The following KIF25 variants were observed in gnomAD, a reference collection of about 807,000 sequenced individuals.
The protein encoded by KIF25 is kinesin-like protein KIF25.
Under a neutral mutation model 32.9 loss-of-function variants are expected in KIF25, and 19 were observed. The observed-to-expected ratio is 0.58, with a 90% CI of 0.40 to 0.85. KIF25 has a LOEUF of 0.85. Ranked by LOEUF, KIF25 falls within the 40% of genes least tolerant of loss-of-function variation. The probability of loss-of-function intolerance (pLI) is 0.00; values close to 1 mark genes in which losing one functional copy is unlikely to be tolerated. For synonymous variants in KIF25, 225 were observed against 213.7 expected (o/e 1.05, Z -0.46); for missense variants, 485 against 507.0 (o/e 0.96, Z 0.42).
chr6:168,041,201 C>T (rs1399520379), intron 10 of KIF25, among the ~76,000 whole-genome samples: 1 of 152,238 alleles, frequency 6.6e-6, no homozygotes, highest in Non-Finnish European at 1.5e-5. Flanking sequence ...CATTCCCCAT[C>T]CTTCTTGCCA....
At chr6:168,008,054 C>CT (rs11411138) in intron 4 of KIF25, among the ~76,000 whole-genome samples, 48,676 of 152,006 alleles carry the variant, frequency 0.32, 7,912 homozygotes, top group Non-Finnish European at 0.36. Context: ...CTTTAGTTTA[C>CT]TTTATGGATT....
chr6:168,042,569 GGAGT>G lies in KIF25; in HGVS notation c.841_844del (p.Val281ProfsTer5). On this transcript the variant is annotated frameshift_variant, in exon 12 of 13. Transcript: ENST00000643607. LOFTEE classifies it high-confidence loss of function. ...GTGGCGGTCCTGTCCAGGTGTGTCT[GGAGT>G]GACCGGGTTGGCCCTGAGGGAGATG... 6.2e-7 allele frequency: 1 copy of G among 1,613,656 alleles called. No individual in the cohort carries two copies. Among genetic ancestry groups the G allele is most frequent in the Non-Finnish European group, 8.5e-7 (1 of 1,179,816 alleles).
chr6:168,032,318 A>G (rs1224701685), intron 7 of KIF25, among the ~76,000 whole-genome samples: 1 of 152,190 alleles, frequency 6.6e-6, no homozygotes, highest in Non-Finnish European at 1.5e-5. Flanking sequence ...GTTTCCTTTT[A>G]ATGTTCATTC....
chr6:168,025,481 G>A (rs183361815), intron 5 of KIF25, among the ~76,000 whole-genome samples: 4 of 152,046 alleles, frequency 2.6e-5, no homozygotes, highest in Non-Finnish European at 5.9e-5. Flanking sequence ...GTTTAAAATC[G>A]TGGCTTGCTG....
At chr6:168,031,502 G>A (rs1179309828) in intron 7 of KIF25, among the ~76,000 whole-genome samples, 2 of 152,184 alleles carry the variant, frequency 1.3e-5, no homozygotes, top group African/African-American at 2.4e-5. Context: ...TGTGCTGCGC[G>A]TCCCAAAGGC....
intron 10 of KIF25, among the ~76,000 whole-genome samples, chr6:168,041,513 G>A (rs894819588): frequency 6.6e-6 from 1 of 152,202 alleles, no homozygotes; most frequent in African/African-American, 2.4e-5. Flanking sequence ...GTGAATAAAT[G>A]TTATTTTGCT....
chr6:168,018,631 C>T (rs892585070), intron 5 of KIF25, among the ~76,000 whole-genome samples: 3 of 152,168 alleles, frequency 2.0e-5, no homozygotes, highest in Non-Finnish European at 4.4e-5. Context: ...ATGCCTTCCT[C>T]GGCACTGGGT....
intron 4 of KIF25, among the ~76,000 whole-genome samples, chr6:168,013,340 G>A (rs540261400): frequency 3.9e-5 from 6 of 152,068 alleles, no homozygotes; most frequent in East Asian, 3.9e-4. Context: ...GTGCAAGGCC[G>A]GAGTCACAGC....
At chr6:168,024,867 A>G (rs1798838631) in intron 5 of KIF25, among the ~76,000 whole-genome samples, 1 of 152,084 alleles carries the variant, frequency 6.6e-6, no homozygotes, top group African/African-American at 2.4e-5. Context: ...CCTGGTCAAC[A>G]TGGTGAAACC....
At chr6:168,002,243 CACCTG>C (rs1798517446) in intron 2 of KIF25, among the ~76,000 whole-genome samples, 1 of 109,412 alleles carries the variant, frequency 9.1e-6, no homozygotes, top group Non-Finnish European at 2.0e-5. Context: ...GTGAGAAAGA[CACCTG>C]AGGCATGGCC....
intron 10 of KIF25, 63 bp downstream of exon 10, chr6:168,040,279 A>T: frequency 6.6e-7 from 1 of 1,523,818 alleles, no homozygotes; most frequent in Non-Finnish European, 8.8e-7. Flanking sequence ...AGAAGAAAAA[A>T]ATCAGGCCAG....
At chr6:168,040,254 A>G in intron 10 of KIF25, 38 bp downstream of exon 10, 1 of 1,578,608 alleles carries the variant, frequency 6.3e-7, no homozygotes, top group Non-Finnish European at 8.6e-7. Flanking sequence ...GGCAAGTAAT[A>G]GAAAAACCCA....
intron 10 of KIF25, among the ~76,000 whole-genome samples, chr6:168,040,722 A>G (rs561633469): frequency 1.1e-4 from 17 of 152,346 alleles, no homozygotes; most frequent in African/African-American, 3.6e-4. Flanking sequence ...AGAAAAAGTG[A>G]GAGTGGGAGG....
intron 9 of KIF25, 82 bp downstream of exon 9, chr6:168,038,811 G>A (rs1799074404): frequency 1.6e-5 from 23 of 1,408,666 alleles, no homozygotes; most frequent in South Asian, 5.2e-5. Flanking sequence ...GAGGCTGCAC[G>A]TCTCTAAACG....
chr6:168,042,086 C>G lies in KIF25; in HGVS notation c.764C>G (p.Ala255Gly). 2 of 1,551,466 alleles carry G rather than the reference C, an allele frequency of 1.3e-6. No individual in the cohort carries two copies. Among genetic ancestry groups the G allele is most frequent in the Non-Finnish European group, 1.7e-6 (2 of 1,147,454 alleles). The change falls in exon 11 of 13, where the codon GCA (alanine) becomes GGA (glycine). Residue 255 changes from alanine (A) to glycine (G), a missense_variant. Transcript: ENST00000643607. ...LAPQLVPGNP[A>G]GHAEQVQARL... ...CCACAGCTGGTTCCTGGGAACCCCG[C>G]AGGGCATGCGGAGCAGGTGCAGGCT...
intron 5 of KIF25, among the ~76,000 whole-genome samples, chr6:168,027,879 T>C (rs907626094): frequency 2.6e-5 from 4 of 152,190 alleles, no homozygotes; most frequent in African/African-American, 9.6e-5. Flanking sequence ...GACTGACCTT[T>C]CCCTTCTCTA....
Position 168,033,686 on chromosome 6 carries a change from TACA to T in KIF25, c.168-191_168-189del, listed in dbSNP as rs1344071813. 2.0e-5 allele frequency among the ~76,000 whole-genome samples: 3 copies of T among 152,088 alleles called. No individual in the cohort carries two copies. The South Asian group carries it at 6.2e-4, about 32-fold the overall frequency. On this transcript the variant is annotated intron_variant, in intron 7 of 12. Coordinates refer to ENST00000643607, the MANE Select transcript of KIF25 (RefSeq NM_030615.4). ...GCAAATACCGTTTAATCCAATGTCGTACAACAAGATAGCAACAAGGATAGATTA... is the reference window on the plus strand; with the variant it reads ...GCAAATACCGTTTAATCCAATGTCGTACAAGATAGCAACAAGGATAGATTA...
rs116988014 is a variant in KIF25 at position 168,041,710 on chromosome 6, G to A, written c.647-259G>A. On this transcript the variant is annotated intron_variant, in intron 10 of 12. Coordinates refer to ENST00000643607, the MANE Select transcript of KIF25 (RefSeq NM_030615.4). Reference sequence around the variant, plus strand: ...TAACATGATTACCAAGTCTTCCTAAGAAGCATTATTTGATTTCCTCTGGGC... The same window carrying A: ...TAACATGATTACCAAGTCTTCCTAAAAAGCATTATTTGATTTCCTCTGGGC... Among the ~76,000 whole-genome samples, 118 of 152,312 alleles carry A rather than the reference G, an allele frequency of 7.7e-4. 1 individual carries two copies. The East Asian group carries it at 0.019, about 25-fold the overall frequency.
At chr6:168,009,521 C>A (rs888321661) in intron 4 of KIF25, among the ~76,000 whole-genome samples, 1 of 152,022 alleles carries the variant, frequency 6.6e-6, no homozygotes, top group Non-Finnish European at 1.5e-5. Flanking sequence ...GGAATGTTGG[C>A]CTATAGTTTT....
Sources: gnomAD v4.1 joint callset for allele counts (sites outside exome capture counted in the v4.1 genomes callset) on GRCh38, gnomAD v4.1.1 for gene constraint, MANE v1.5 for transcripts, NCBI Gene and HGNC (gene_info 2026-07-23, HGNC 2026-07-21) for gene names.